Variants in MYO1D observed in about 807,000 individuals in gnomAD.
MYO1D encodes myosin ID, also known as unconventional myosin-Id.
MYO1D carries 83 observed loss-of-function variants against 122.0 expected under a neutral mutation model. The ratio of observed to expected loss-of-function variants is 0.68; its 90% CI spans 0.57 to 0.82. The LOEUF (loss-of-function observed/expected upper bound fraction) is 0.82. Ranked by LOEUF, MYO1D falls within the 40% of genes least tolerant of loss-of-function variation. The pLI is 0.00. For missense variants in MYO1D, 1,157 were observed against 1,269.5 expected (o/e 0.91, Z 1.35); for synonymous variants, 464 against 446.9 (o/e 1.04, Z -0.48).
At chr17:32,713,598 C>T (rs1052009374) in intron 15 of MYO1D, among the ~76,000 whole-genome samples, 8 of 152,034 alleles carry the variant, frequency 5.3e-5, no homozygotes, top group African/African-American at 1.7e-4. Context: ...CCCAAAGCAC[C>T]CTTGATAGAT....
intron 21 of MYO1D, among the ~76,000 whole-genome samples, chr17:32,556,915 T>G (rs554814001): frequency 6.6e-5 from 10 of 152,146 alleles, no homozygotes; most frequent in Non-Finnish European, 1.2e-4. Context: ...AACTTGATGA[T>G]GTTTGTTTCC....
At chr17:32,687,128 A>T (rs895290089) in intron 16 of MYO1D, among the ~76,000 whole-genome samples, 16 of 149,164 alleles carry the variant, frequency 1.1e-4, no homozygotes, top group South Asian at 2.1e-4. Flanking sequence ...TTTCCCCCTT[A>T]CCCCCCGCCC....
At chr17:32,554,666 T>G (rs1025642192) in intron 21 of MYO1D, among the ~76,000 whole-genome samples, 1 of 152,082 alleles carries the variant, frequency 6.6e-6, no homozygotes, top group Non-Finnish European at 1.5e-5. Flanking sequence ...TATCTGCAAG[T>G]AGTGTAAATG....
intron 20 of MYO1D, among the ~76,000 whole-genome samples, chr17:32,618,873 G>A (rs2087815097): frequency 6.6e-6 from 1 of 152,040 alleles, no homozygotes; most frequent in Non-Finnish European, 1.5e-5. Flanking sequence ...GACTTCAAGT[G>A]GTTCACCTGC....
At chr17:32,768,205 G>A (rs972968796) in intron 6 of MYO1D, among the ~76,000 whole-genome samples, 1 of 152,164 alleles carries the variant, frequency 6.6e-6, no homozygotes, top group African/African-American at 2.4e-5. Context: ...ATAATCAGGC[G>A]GTTTATTTTC....
At chr17:32,663,293 G>A (rs774403989) in intron 16 of MYO1D, among the ~76,000 whole-genome samples, 2 of 152,114 alleles carry the variant, frequency 1.3e-5, no homozygotes, top group Non-Finnish European at 2.9e-5. Flanking sequence ...AAACTGTTTA[G>A]TAAATGTTAA....
chr17:32,633,820 T>C (rs2088057544), intron 20 of MYO1D, among the ~76,000 whole-genome samples: 1 of 152,216 alleles, frequency 6.6e-6, no homozygotes, highest in Admixed American at 6.5e-5. Flanking sequence ...TTTGCTTAAA[T>C]GTCAACTTCT....
chr17:32,748,270 C>T (rs1027743271), intron 12 of MYO1D, among the ~76,000 whole-genome samples: 10 of 152,224 alleles, frequency 6.6e-5, no homozygotes, highest in African/African-American at 2.2e-4. Flanking sequence ...TTTGCTTATG[C>T]AGTTACCCAA....
intron 16 of MYO1D, chr17:32,686,324 T>C (rs1349093745): frequency 6.6e-6 from 1 of 152,244 alleles, no homozygotes; most frequent in East Asian, 1.9e-4. Flanking sequence ...CATGGGATGC[T>C]GGCAGCTACC....
At chr17:32,872,573 C>T (rs1396140803) in intron 1 of MYO1D, among the ~76,000 whole-genome samples, 2 of 148,858 alleles carry the variant, frequency 1.3e-5, no homozygotes, top group Non-Finnish European at 3.0e-5. Context: ...CGCGCCCGGC[C>T]GCAGGTTTTG....
rs528726413 is a variant in MYO1D, at chr17:32,685,763, A to G, written c.2121+26225T>C. Among the ~76,000 whole-genome samples, 9 of 152,330 alleles carry G rather than the reference A, an allele frequency of 5.9e-5. No homozygotes were observed. In the South Asian group the frequency reaches 1.9e-3, roughly 32 times the overall value. On this transcript the variant is annotated intron_variant, in intron 16 of 21. Coordinates refer to ENST00000318217, the MANE Select transcript of MYO1D (RefSeq NM_015194.3). ...AATTCTGGATTTTCTTCTTCACCCAAATAAGTACGTTGCTAACTTAGCTTT... is the reference window on the plus strand; with the variant it reads ...AATTCTGGATTTTCTTCTTCACCCAGATAAGTACGTTGCTAACTTAGCTTT...
At chr17:32,652,855 G>A (rs931949770) in intron 19 of MYO1D, among the ~76,000 whole-genome samples, 2 of 151,964 alleles carry the variant, frequency 1.3e-5, no homozygotes, top group African/African-American at 4.8e-5. Context: ...AATAATGTAG[G>A]TATAGGCTGG....
intron 21 of MYO1D, among the ~76,000 whole-genome samples, chr17:32,522,909 T>C (rs57271837): frequency 0.043 from 6,548 of 151,410 alleles, 462 homozygotes; most frequent in African/African-American, 0.15. Flanking sequence ...CTCCGCCTCC[T>C]GGGTTCACGC....
At chr17:32,656,386 G>A (rs1361887924) in intron 17 of MYO1D, among the ~76,000 whole-genome samples, 1 of 151,556 alleles carries the variant, frequency 6.6e-6, no homozygotes, top group East Asian at 2.0e-4. Context: ...TCCAGCTGAT[G>A]GGGAAGCGGC....
intron 20 of MYO1D, among the ~76,000 whole-genome samples, chr17:32,612,648 C>T (rs1464748610): frequency 7.6e-6 from 1 of 131,370 alleles, no homozygotes; most frequent in African/African-American, 2.9e-5. Flanking sequence ...CACGCCACTG[C>T]ACTCCAGCCT....
chr17:32,588,716 G>T (rs746938289), intron 21 of MYO1D, among the ~76,000 whole-genome samples: 10 of 152,056 alleles, frequency 6.6e-5, no homozygotes, highest in Admixed American at 2.0e-4. Flanking sequence ...TTGGGAGGCC[G>T]ACACAGGTGG....
intron 1 of MYO1D, among the ~76,000 whole-genome samples, chr17:32,815,193 T>C (rs9907074): frequency 0.036 from 5,496 of 152,236 alleles, 321 homozygotes; most frequent in African/African-American, 0.12. Context: ...TTGAAGAAAA[T>C]AGGCGCTCAA....
At chr17:32,553,144 T>G (rs917170329) in intron 21 of MYO1D, among the ~76,000 whole-genome samples, 1 of 149,974 alleles carries the variant, frequency 6.7e-6, no homozygotes, top group Non-Finnish European at 1.5e-5. Context: ...TCATAGGCTG[T>G]GTTGGGATAT....
In MYO1D at chr17:32,837,014, A is replaced by G. The variant is rs115963068; in HGVS notation, c.95+39764T>C. ...TTTACATGTTTCCCAGCAATGTGTA[A>G]GAGTTCCAGTTGCTTCATATCCTCA... On this transcript the variant is annotated intron_variant, in intron 1 of 21. Transcript: ENST00000318217. Among the ~76,000 whole-genome samples the G allele has an allele frequency of 4.0e-3, 607 of 152,210 alleles. 3 individuals are homozygous for G. Among genetic ancestry groups the G allele is most frequent in the African/African-American group, 0.013 (559 of 41,552 alleles).
Sources: allele counts gnomAD v4.1 joint callset (sites outside exome capture counted in the v4.1 genomes callset), GRCh38; gene constraint gnomAD v4.1.1; transcripts MANE v1.5; gene names NCBI Gene and HGNC (gene_info 2026-07-23, HGNC 2026-07-21).